HAVCR1: variants seen among roughly 807,000 people sequenced by gnomAD.
HAVCR1 encodes the protein hepatitis A virus cellular receptor 1.
HAVCR1 carries 34 observed loss-of-function variants against 32.0 expected under a neutral mutation model. That is an observed-to-expected ratio of 1.06 (90% CI 0.81 to 1.42). The LOEUF is 1.42. Among genes scored for constraint, HAVCR1 ranks in the 40% most tolerant of loss-of-function variants. The pLI, the probability that HAVCR1 is intolerant of heterozygous loss-of-function variation, is 0.00. For missense variants in HAVCR1, 420 were observed against 442.3 expected (o/e 0.95, Z 0.45); for synonymous variants, 178 against 170.3 (o/e 1.05, Z -0.35).
chr5:157,063,755 T>G (rs755515799), upstream of HAVCR1, among the ~76,000 whole-genome samples: 1 of 152,150 alleles, frequency 6.6e-6, no homozygotes, highest in Non-Finnish European at 1.5e-5. Flanking sequence ...GGCACTGAGT[T>G]GCAATTTTAA....
intron 5 of HAVCR1, among the ~76,000 whole-genome samples, chr5:157,042,918 T>G (rs1226136820): frequency 6.6e-6 from 1 of 152,252 alleles, no homozygotes; most frequent in Non-Finnish European, 1.5e-5. Context: ...TCTTGTTTTT[T>G]CTTTATTAAA....
intron 3 of HAVCR1, among the ~76,000 whole-genome samples, chr5:157,054,255 T>C (rs1033341290): frequency 4.7e-5 from 7 of 148,548 alleles, no homozygotes; most frequent in African/African-American, 1.7e-4. Flanking sequence ...ATCCCAGCAC[T>C]TTGGGAGACT....
intron 4 of HAVCR1, among the ~76,000 whole-genome samples, chr5:157,052,050 C>A (rs1458922822): frequency 1.3e-5 from 2 of 152,208 alleles, no homozygotes; most frequent in Non-Finnish European, 2.9e-5. Flanking sequence ...TAAAGCCATA[C>A]CTAGCTGAGT....
intron 4 of HAVCR1, among the ~76,000 whole-genome samples, chr5:157,051,500 C>T (rs1050414862): frequency 2.0e-5 from 3 of 152,098 alleles, no homozygotes; most frequent in African/African-American, 7.2e-5. Flanking sequence ...GAGATCAAAA[C>T]GTGACTCGAC....
intron 5 of HAVCR1, among the ~76,000 whole-genome samples, chr5:157,046,992 T>TATAC (rs1202989889): frequency 6.6e-6 from 1 of 152,180 alleles, no homozygotes; most frequent in African/African-American, 2.4e-5. Flanking sequence ...GTTATGAGAT[T>TATAC]ATACATACAT....
At chr5:157,044,563 G>A (rs1561590729) in intron 5 of HAVCR1, among the ~76,000 whole-genome samples, 1 of 137,040 alleles carries the variant, frequency 7.3e-6, no homozygotes, top group Non-Finnish European at 1.5e-5. Flanking sequence ...AGGAAGGAGA[G>A]AGAAAGAAAG....
Position 157,055,492 on chromosome 5 carries a change from G to A in HAVCR1, c.88C>T (p.Pro30Ser). 4 of 1,599,598 alleles carry A rather than the reference G, an allele frequency of 2.5e-6. No homozygotes were observed. The highest frequency in any genetic ancestry group is 3.4e-6 in the Non-Finnish European group (4 of 1,170,772). ...TAGTGGCAGGGTAGTGTGACAGATG[G>A]ACCTGCCTCTCCACCAACCTTTACA... ...GSVKVGGEAG[P>S]SVTLPCHYSG... Residue 30 changes from proline (P) to serine (S), a missense_variant, in exon 3 of 9, where the codon CCA becomes TCA. Pro to Ser is a moderately conservative substitution (Grantham distance 74, BLOSUM62 -1). Transcript: ENST00000523175.
chr5:157,064,239 G>T, the HAVCR1 span, among the ~76,000 whole-genome samples: 7 of 151,410 alleles, frequency 4.6e-5, no homozygotes, highest in African/African-American at 1.5e-4. Flanking sequence ...GTAGCCAGAT[G>T]TGATGGCTCA....
At chr5:157,042,239 G>A (rs539645684) in intron 6 of HAVCR1, among the ~76,000 whole-genome samples, 6 of 151,580 alleles carry the variant, frequency 4.0e-5, no homozygotes, top group South Asian at 2.1e-4. Flanking sequence ...TCAGGAGATC[G>A]AGACTATCCT....
At chr5:157,042,013 C>G (rs1184224496) in intron 6 of HAVCR1, among the ~76,000 whole-genome samples, 1 of 151,242 alleles carries the variant, frequency 6.6e-6, no homozygotes, top group African/African-American at 2.4e-5. Flanking sequence ...GAGCTGAGAT[C>G]GCATCACTAC....
At chr5:157,058,116 A>G in intron 1 of HAVCR1, 161 bp from the exon 2 acceptor site, 1 of 615,986 alleles carries the variant, frequency 1.6e-6, no homozygotes, top group Non-Finnish European at 2.9e-6. Context: ...ACGGCTTCAG[A>G]GCTCTGTTAG....
rs369956191 is a variant in HAVCR1 at position 157,052,367 on chromosome 5, C to A, written c.667G>T (p.Glu223Ter). ...CCAAACACATCTGTTTTACCTGGTT[C>A]ATGGTTCTGCCTGGGCAAAGGCATT... ...PPMPLPRQNH[E>*]PVATSPSSPQ... The change falls in exon 4 of 9, where the codon GAA (glutamate) becomes TAA (stop). Residue 223 changes from glutamate (E) to a stop codon, truncating the protein, a stop_gained. Coordinates refer to ENST00000523175, the MANE Select transcript of HAVCR1 (RefSeq NM_001173393.3). LOFTEE classifies it high-confidence loss of function. 8 of 1,613,978 alleles carry A rather than the reference C, an allele frequency of 5.0e-6. No homozygotes were observed. In the African/African-American group the frequency reaches 1.1e-4, roughly 22 times the overall value.
rs533410216 is a variant in HAVCR1, at chr5:157,044,282, A to G, written c.782-1600T>C. Among the ~76,000 whole-genome samples, 4 of 150,910 alleles carry G rather than the reference A, an allele frequency of 2.7e-5. No homozygotes were observed. The Admixed American group carries it at 2.7e-4, about 10-fold the overall frequency. On this transcript the variant is annotated intron_variant, in intron 5 of 8. Transcript: ENST00000523175. ...AGGGGGTGGAGATTACAGTGAGCCA[A>G]GATTGTGCCACTGCACTCCAGCCTG... is the stretch of plus-strand genomic sequence containing the variant.
At position 157,029,627 on chromosome 5, in the gene HAVCR1, C is replaced by T. The variant is rs1242056598; in HGVS notation, c.*106G>A. On this transcript the variant is annotated 3_prime_UTR_variant, in exon 9 of 9. Transcript: ENST00000523175. The stretch of plus-strand genomic sequence containing the variant: ...TGACATGTTGGAATGCCAGATGAAA[C>T]TGAAACAGAAAAATTGTCTTGGGGT... 4 of 1,559,252 alleles carry T rather than the reference C, an allele frequency of 2.6e-6. No individual in the cohort carries two copies.
chr5:157,030,111 T>TACAAAAATGG, intron 8 of HAVCR1, among the ~76,000 whole-genome samples: 1 of 152,108 alleles, frequency 6.6e-6, no homozygotes, highest in Non-Finnish European at 1.5e-5. Context: ...GAAACTCGCA[T>TACAAAAATGG]AATAGAATAC....
At chr5:157,039,111 C>T (rs1754714290) in intron 6 of HAVCR1, among the ~76,000 whole-genome samples, 1 of 152,184 alleles carries the variant, frequency 6.6e-6, no homozygotes, top group South Asian at 2.1e-4. Context: ...TGGAGTGAGA[C>T]TCTGTCTCGA....
chr5:157,050,232 GA>G (rs2113601463), intron 4 of HAVCR1, among the ~76,000 whole-genome samples: 1 of 152,246 alleles, frequency 6.6e-6, no homozygotes, highest in Non-Finnish European at 1.5e-5. Flanking sequence ...CTTTCGGAAC[GA>G]AAAACAGAAC....
At chr5:157,035,091 G>A (rs550469504) in intron 7 of HAVCR1, among the ~76,000 whole-genome samples, 56 of 151,906 alleles carry the variant, frequency 3.7e-4, no homozygotes, top group Middle Eastern at 3.4e-3. Flanking sequence ...CAGTCATCTG[G>A]CCCTTTCTTC....
chr5:157,039,569 A>G (rs1397506653), intron 6 of HAVCR1, among the ~76,000 whole-genome samples: 1 of 152,040 alleles, frequency 6.6e-6, no homozygotes, highest in Non-Finnish European at 1.5e-5. Context: ...GGCTGGTCTC[A>G]AACTCCTGAC....
Sources: allele counts gnomAD v4.1 joint callset (sites outside exome capture counted in the v4.1 genomes callset), GRCh38; gene constraint gnomAD v4.1.1; transcripts MANE v1.5; gene names NCBI Gene and HGNC (gene_info 2026-07-23, HGNC 2026-07-21).